NID1: variants seen among roughly 807,000 people sequenced by gnomAD.
NID1 encodes nidogen 1.
A neutral mutation model predicts 130.6 loss-of-function variants in NID1; 76 were observed. The ratio of observed to expected loss-of-function variants is 0.58; its 90% confidence interval spans 0.48 to 0.70. NID1 has a LOEUF of 0.70. Ranked by LOEUF, NID1 falls within the 30% of genes least tolerant of loss-of-function variation. The pLI, the probability that NID1 is intolerant of heterozygous loss-of-function variation, is 0.00. For synonymous variants in NID1, 665 were observed against 675.1 expected (o/e 0.98, Z 0.23); for missense variants, 1,517 against 1,664.8 (o/e 0.91, Z 1.54).
At chr1:236,021,056 G>C (rs1349188502) in intron 9 of NID1, among the ~76,000 whole-genome samples, 1 of 152,182 alleles carries the variant, frequency 6.6e-6, no homozygotes, top group African/African-American at 2.4e-5. Flanking sequence ...GGTTACTTCT[G>C]CACCTTATTA....
At chr1:235,989,533 A>G (rs188556372) in intron 14 of NID1, among the ~76,000 whole-genome samples, 1 of 152,362 alleles carries the variant, frequency 6.6e-6, no homozygotes, top group African/African-American at 2.4e-5. Context: ...GAAATACCAC[A>G]TGAAACCAAT....
At chr1:235,981,501 A>G in intron 16 of NID1, 110 bp downstream of exon 16, 1 of 1,198,020 alleles carries the variant, frequency 8.3e-7, no homozygotes, top group South Asian at 1.5e-5. Context: ...TTCGTCCCGT[A>G]CTCATTAATT....
intron 13 of NID1, among the ~76,000 whole-genome samples, chr1:235,993,058 C>G (rs1191837173): frequency 6.6e-6 from 1 of 152,184 alleles, no homozygotes; most frequent in Non-Finnish European, 1.5e-5. Flanking sequence ...TTCCCACTGC[C>G]TCCGGTGATG....
chr1:235,980,732 A>C (rs1049322638), intron 16 of NID1, 79 bp from the exon 17 acceptor site: 31 of 1,431,114 alleles, frequency 2.2e-5, no homozygotes, highest in Non-Finnish European at 2.7e-5. Context: ...AACACTTGAA[A>C]AGAATTACAA....
In NID1 at chr1:236,042,170, T is replaced by C; in HGVS notation, c.875A>G (p.Glu292Gly). The C allele has an allele frequency of 6.2e-7, 1 of 1,614,034 alleles. No individual in the cohort carries two copies. Among genetic ancestry groups the C allele is most frequent in the African/African-American group, 1.3e-5 (1 of 74,998 alleles). The change falls in exon 4 of 20, where the codon GAG becomes GGG. Residue 292 changes from glutamate (E) to glycine (G), a missense_variant. Transcript: ENST00000264187. The part of the protein sequence containing the change: ...GTEDGAEYDD[E>G]DEDYDLATTR... The stretch of plus-strand genomic sequence containing the variant: ...GGTCGCCAGGTCATAATCTTCATCC[T>C]CATCATCATACTCTGCCCCATCTTC...
intron 1 of NID1, among the ~76,000 whole-genome samples, chr1:236,052,480 C>A (rs1376176742): frequency 6.6e-6 from 1 of 152,204 alleles, no homozygotes; most frequent in East Asian, 1.9e-4. Flanking sequence ...GCCAGGAAAC[C>A]TGGAAGTGGG....
intron 15 of NID1, among the ~76,000 whole-genome samples, chr1:235,983,036 G>A (rs1161428212): frequency 4.6e-5 from 7 of 152,080 alleles, no homozygotes; most frequent in African/African-American, 7.2e-5. Flanking sequence ...CACCATGCCC[G>A]GCTAATTTTT....
At chr1:236,064,464 G>T (rs752711037) in intron 1 of NID1, 1 of 211,240 alleles carries the variant, frequency 4.7e-6, no homozygotes, top group Non-Finnish European at 9.4e-6. Flanking sequence ...CCCTGCGGAG[G>T]CTCCGCGCGA....
Position 236,045,161 on chromosome 1 carries a change from T to C in NID1, c.752+296A>G, listed in dbSNP as rs575915837. 4.8e-3 allele frequency among the ~76,000 whole-genome samples: 698 copies of C among 145,734 alleles called. 7 individuals carry two copies. Among genetic ancestry groups the C allele is most frequent in the Non-Finnish European group, 7.8e-3 (522 of 67,284 alleles). ...TTGCAGTGAGTCGAGATTGTGCCATTGCACTCCAGCCTTCCAGCTTGGGCA... is the reference window on the plus strand; with the variant it reads ...TTGCAGTGAGTCGAGATTGTGCCATCGCACTCCAGCCTTCCAGCTTGGGCA... On this transcript the variant is annotated intron_variant, in intron 3 of 19. Transcript: ENST00000264187.
Position 236,032,489 on chromosome 1 carries a change from A to G in NID1, c.1449T>C (p.Ser483=). ...CTCCAACTGGGGCCAGTGGAAGCAG[A>G]GAATATCCAACGGTCTCGGGAATGG... ...ISTIPETVGY[S]LLPLAPVGGI... Residue 483 remains serine, a synonymous_variant, in exon 6 of 20, where the codon TCT becomes TCC. Coordinates refer to ENST00000264187, the MANE Select transcript of NID1 (RefSeq NM_002508.3). 1.2e-6 allele frequency: 2 copies of G among 1,614,202 alleles called. No individual in the cohort carries two copies. The highest frequency in any genetic ancestry group is 1.7e-6 in the Non-Finnish European group (2 of 1,180,036).
intron 13 of NID1, among the ~76,000 whole-genome samples, chr1:235,992,294 AT>A (rs1460793436): frequency 6.6e-6 from 1 of 152,136 alleles, no homozygotes; most frequent in Admixed American, 6.5e-5. Context: ...CCTCTTTCAT[AT>A]CTCTGAAATC....
chr1:236,058,893 C>G (rs1236642168), intron 1 of NID1, among the ~76,000 whole-genome samples: 3 of 152,132 alleles, frequency 2.0e-5, no homozygotes, highest in African/African-American at 7.2e-5. Context: ...CAAAAGCAAA[C>G]TCCATGGGTG....
Position 235,981,704 on chromosome 1 carries a change from A to G in NID1, c.3134T>C (p.Ile1045Thr), listed in dbSNP as rs760382326. 11 of 1,614,260 alleles carry G rather than the reference A, an allele frequency of 6.8e-6. No individual in the cohort carries two copies. The South Asian group carries it at 1.1e-4, about 16-fold the overall frequency. Reference sequence around the variant, plus strand: ...CGTGCCGTCCAGCTTCGCCACTTCTATTCGATCCAGGTTAGAGTCTGTCCA... The same window carrying G: ...CGTGCCGTCCAGCTTCGCCACTTCTGTTCGATCCAGGTTAGAGTCTGTCCA... ...IFWTDSNLDR[I>T]EVAKLDGTQR... The change falls in exon 16 of 20, where the codon ATA becomes ACA. Residue 1045 changes from isoleucine to threonine, a missense_variant. Physicochemically the swap from Ile to Thr is moderately conservative, Grantham distance 89. This residue lies in a region of NID1 where 1,329 missense variants were observed against 1,429.2 expected (regional missense o/e 0.93). Transcript: ENST00000264187.
At chr1:236,033,495 C>G (rs760298486) in intron 5 of NID1, among the ~76,000 whole-genome samples, 55 of 152,168 alleles carry the variant, frequency 3.6e-4, no homozygotes, top group Non-Finnish European at 3.4e-4. Context: ...GTCTTGGAGC[C>G]TCAGCCAGCA....
intron 12 of NID1, among the ~76,000 whole-genome samples, chr1:236,000,420 A>G (rs1274855293): frequency 6.6e-6 from 1 of 152,144 alleles, no homozygotes; most frequent in African/African-American, 2.4e-5. Context: ...TAATAACTCA[A>G]CCAATTGACA....
intron 5 of NID1, among the ~76,000 whole-genome samples, chr1:236,033,822 G>A (rs1160812213): frequency 1.3e-5 from 2 of 152,090 alleles, no homozygotes; most frequent in African/African-American, 4.8e-5. Flanking sequence ...TAATTTTTGA[G>A]TATTTATAAC....
intron 14 of NID1, among the ~76,000 whole-genome samples, chr1:235,988,781 T>C (rs868799803): frequency 2.0e-5 from 3 of 152,162 alleles, no homozygotes; most frequent in African/African-American, 4.8e-5. Flanking sequence ...ACAAATACTG[T>C]ATGATTCTGC....
intron 1 of NID1, among the ~76,000 whole-genome samples, chr1:236,052,708 T>A (rs759207844): frequency 6.6e-6 from 1 of 152,152 alleles, no homozygotes; most frequent in African/African-American, 2.4e-5. Context: ...TCCTTCCACA[T>A]CCCAAAGCTA....
chr1:236,008,429 A>G lies in NID1; in HGVS notation c.2527+3492T>C, dbSNP rs150881428. On this transcript the variant is annotated intron_variant, in intron 12 of 19. Coordinates refer to ENST00000264187, the MANE Select transcript of NID1 (RefSeq NM_002508.3). ...TGCTGTATGATCCCTGTCCTTTACTATGATAGGCACCAGGAGACCAGATGA... is the reference window on the plus strand; with the variant it reads ...TGCTGTATGATCCCTGTCCTTTACTGTGATAGGCACCAGGAGACCAGATGA... Among the ~76,000 whole-genome samples, 389 of 152,282 alleles carry G rather than the reference A, an allele frequency of 2.6e-3. 1 individual carries two copies. Among genetic ancestry groups the G allele is most frequent in the African/African-American group, 9.0e-3 (376 of 41,572 alleles).
Sources: allele counts gnomAD v4.1 joint callset (sites outside exome capture counted in the v4.1 genomes callset), GRCh38; gene constraint gnomAD v4.1.1; regional missense constraint gnomAD v4.1.1; transcripts MANE v1.5; gene names NCBI Gene and HGNC (gene_info 2026-07-23, HGNC 2026-07-21).